Variants in PHACTR2 observed in about 807,000 individuals in gnomAD.
PHACTR2 encodes chromosome 6 open reading frame 56.
Under a neutral mutation model 76.0 loss-of-function variants are expected in PHACTR2, and 30 were observed. The ratio of observed to expected loss-of-function variants is 0.39; its 90% CI spans 0.30 to 0.54. PHACTR2 has a LOEUF of 0.54. PHACTR2 is among the 20% of genes least tolerant of loss of function. The pLI is 0.61. For synonymous variants in PHACTR2, 292 were observed against 292.5 expected (o/e 1.00, Z 0.02); for missense variants, 696 against 781.1 (o/e 0.89, Z 1.30).
rs112494577 is a variant in PHACTR2 at position 143,652,390 on chromosome 6, CTGTTTGTT to C, written c.13+44090_13+44097del. 0.042 allele frequency among the ~76,000 whole-genome samples: 6,450 copies of C among 151,970 alleles called. 174 individuals are homozygous for C. Among genetic ancestry groups the C allele is most frequent in the Middle Eastern group, 0.082 (24 of 294 alleles). On this transcript the variant is annotated intron_variant, in intron 1 of 11. Transcript: ENST00000305766. The surrounding 1 kb of genome is among the most constrained non-coding windows in gnomAD (Gnocchi z 4.5). ...CAGCTAGACAAAGGTACCTGCGCTG[CTGTTTGTT>C]TGTTTGTTTGTTTGTTTGTTTTTCC...
rs117222420 is a variant in PHACTR2 at position 143,820,967 on chromosome 6, G to T, written c.1923-2707G>T. The stretch of plus-strand genomic sequence containing the variant: ...TTAACATCATGTAGAAGCTGTCAAG[G>T]CTTTCAGCTTGCACCCTCTGAAGCA... On this transcript the variant is annotated intron_variant, in intron 12 of 12. Transcript: ENST00000440869. The surrounding 1 kb of genome is among the most constrained non-coding windows in gnomAD (Gnocchi z 4.2). Among the ~76,000 whole-genome samples, 683 of 152,354 alleles carry T rather than the reference G, an allele frequency of 4.5e-3. 5 individuals carry two copies. Among genetic ancestry groups the T allele is most frequent in the Non-Finnish European group, 8.0e-3 (542 of 68,038 alleles).
At chr6:143,540,969 C>CTTGCTGTGT (rs1781166856) in intron 1 of PHACTR2, among the ~76,000 whole-genome samples, 2 of 152,162 alleles carry the variant, frequency 1.3e-5, no homozygotes, top group African/African-American at 4.8e-5. Context: ...AGCTGGAGTA[C>CTTGCTGTGT]AATGGCTGTT....
At position 143,742,168 on chromosome 6, in the gene PHACTR2, G is replaced by C. The variant is rs1457164253; in HGVS notation, c.215-6817G>C. On this transcript the variant is annotated intron_variant, in intron 2 of 12. Transcript: ENST00000440869. The surrounding 1 kb of genome is among the most constrained non-coding windows in gnomAD (Gnocchi z 4.5). ...TGATTAGTCAGGGCTCTTCACTGCT[G>C]ATGAATCATGACAAACTTAATGAAA... 6.9e-6 allele frequency among the ~76,000 whole-genome samples: 1 copy of C among 144,248 alleles called. No individual in the cohort carries two copies. Among genetic ancestry groups the C allele is most frequent in the Non-Finnish European group, 1.5e-5 (1 of 66,990 alleles). The allele number at this position is 144,248 out of a possible 152,430, so 94.6% of individuals were successfully genotyped here.
rs1372085983 is a variant in PHACTR2, at chr6:143,621,360, A to T, written c.13+13038A>T. ...GTTCCTGTGGATCCCGAGCCCTCTC[A>T]GGCCTCCTCGGTGCAGAAGGGCAAA... On this transcript the variant is annotated intron_variant, in intron 1 of 11. Transcript: ENST00000305766. This position sits in a 1 kb window ranked among gnomAD's most constrained non-coding sequence, Gnocchi z 4.1. Among the ~76,000 whole-genome samples, 1 of 152,214 alleles carries T rather than the reference A, an allele frequency of 6.6e-6. No individual in the cohort carries two copies. Among genetic ancestry groups the T allele is most frequent in the East Asian group, 1.9e-4 (1 of 5,194 alleles).
chr6:143,561,805 G>C lies in PHACTR2; in HGVS notation c.217+24598G>C, dbSNP rs146832311. Reference sequence around the variant, plus strand: ...AAGGCAGTGAGCCAGGGAGAGCTGGGTTATTACTGCTTGTGTGATCTCACC... The same window carrying C: ...AAGGCAGTGAGCCAGGGAGAGCTGGCTTATTACTGCTTGTGTGATCTCACC... On this transcript the variant is annotated intron_variant, in intron 1 of 11. Coordinates refer to the PHACTR2 transcript ENST00000367584. This position sits in a 1 kb window ranked among gnomAD's most constrained non-coding sequence, Gnocchi z 4.1. 1.9e-4 allele frequency: 29 copies of C among 152,366 alleles called. No homozygotes were observed. The highest frequency in any genetic ancestry group is 6.5e-4 in the African/African-American group (27 of 41,554). The allele number at this position is 152,366 out of a possible 1,614,324, so 9.4% of individuals were successfully genotyped here.
rs1170571223 is a variant in PHACTR2 at position 143,710,513 on chromosome 6, T to A, written c.47-1503T>A. 6.6e-6 allele frequency among the ~76,000 whole-genome samples: 1 copy of A among 152,076 alleles called. No individual in the cohort carries two copies. Among genetic ancestry groups the A allele is most frequent in the Non-Finnish European group, 1.5e-5 (1 of 68,012 alleles). On this transcript the variant is annotated intron_variant, in intron 1 of 12. Coordinates refer to ENST00000440869, the MANE Select transcript of PHACTR2 (RefSeq NM_001100164.2). The surrounding 1 kb of genome is among the most constrained non-coding windows in gnomAD (Gnocchi z 4.9). ...TTCAAGACCAGCCTGGGCAACATGGTGAAACCCCGTCTCTACTAAAAATAC... is the reference window on the plus strand; with the variant it reads ...TTCAAGACCAGCCTGGGCAACATGGAGAAACCCCGTCTCTACTAAAAATAC...
At position 143,698,914 on chromosome 6, in the gene PHACTR2, G is replaced by C. The variant is rs747308480; in HGVS notation, c.47-13102G>C. Among the ~76,000 whole-genome samples the C allele has an allele frequency of 2.0e-5, 3 of 152,082 alleles. No individual in the cohort carries two copies. The highest frequency in any genetic ancestry group is 4.4e-5 in the Non-Finnish European group (3 of 68,006). On this transcript the variant is annotated intron_variant, in intron 1 of 12. Coordinates refer to ENST00000440869, the MANE Select transcript of PHACTR2 (RefSeq NM_001100164.2). This position sits in a 1 kb window ranked among gnomAD's most constrained non-coding sequence, Gnocchi z 4.3. ...TCTCCCTTGGATTGTCCGAACCCTG[G>C]GTCTCCTTGGCAACACTGTTGCCCT...
intron 1 of PHACTR2, among the ~76,000 whole-genome samples, chr6:143,564,969 G>T (rs9496674): frequency 0.59 from 90,084 of 151,636 alleles, 27,202 homozygotes; most frequent in Middle Eastern, 0.72. Context: ...TACAATGTAG[G>T]AAAACCAATA....
chr6:143,748,816 CATAGCTGTGTTG>C (rs1283799350), intron 2 of PHACTR2, 157 bp from the exon 3 acceptor site: 8 of 499,966 alleles, frequency 1.6e-5, no homozygotes, highest in African/African-American at 1.2e-4. Flanking sequence ...TTGCTCTTGT[CATAGCTGTGTTG>C]ATTCCACTCA....
At chr6:143,563,564 A>C (rs9496670) in intron 1 of PHACTR2, among the ~76,000 whole-genome samples, 56 of 84,414 alleles carry the variant, frequency 6.6e-4, no homozygotes, top group Non-Finnish European at 8.7e-4. Flanking sequence ...AAAAAAAAAA[A>C]AAAAAAAGAA....
rs1008412340 is a variant in PHACTR2, at chr6:143,580,238, C to A, written c.217+43031C>A. Among the ~76,000 whole-genome samples the A allele has an allele frequency of 6.6e-6, 1 of 152,194 alleles. No individual in the cohort carries two copies. The highest frequency in any genetic ancestry group is 1.5e-5 in the Non-Finnish European group (1 of 68,038). On this transcript the variant is annotated intron_variant, in intron 1 of 11. Coordinates refer to the PHACTR2 transcript ENST00000367584. This position sits in a 1 kb window ranked among gnomAD's most constrained non-coding sequence, Gnocchi z 4.2. ...CAGTGGCTCACTCCTGTAATCCCAG[C>A]ACTTTGGGAGGCCAAGGCAGGCAGA...
chr6:143,573,859 G>A (rs1013679833), intron 1 of PHACTR2, among the ~76,000 whole-genome samples: 3 of 152,166 alleles, frequency 2.0e-5, no homozygotes, highest in African/African-American at 7.2e-5. Context: ...ACTGGGTCTG[G>A]TTCTCCATAA....
In PHACTR2 at chr6:143,731,879, A is replaced by G. The variant is rs908378333; in HGVS notation, c.215-17106A>G. Among the ~76,000 whole-genome samples the G allele has an allele frequency of 2.0e-5, 3 of 152,234 alleles. No homozygotes were observed. The highest frequency in any genetic ancestry group is 4.4e-5 in the Non-Finnish European group (3 of 68,042). On this transcript the variant is annotated intron_variant, in intron 2 of 12. Transcript: ENST00000440869. This position sits in a 1 kb window ranked among gnomAD's most constrained non-coding sequence, Gnocchi z 4.9. ...TTCTCTTTTGAAAGATTTAAATAGCATATTCAATTTCTTTTATAGTTATAG... is the reference window on the plus strand; with the variant it reads ...TTCTCTTTTGAAAGATTTAAATAGCGTATTCAATTTCTTTTATAGTTATAG...
chr6:143,706,926 G>C (rs182436583), intron 1 of PHACTR2, among the ~76,000 whole-genome samples: 154 of 152,230 alleles, frequency 1.0e-3, no homozygotes, highest in African/African-American at 3.5e-3. Flanking sequence ...CCCAGATGTT[G>C]TACATCCGCC....
At position 143,740,811 on chromosome 6, in the gene PHACTR2, T is replaced by C. The variant is rs1778924450; in HGVS notation, c.215-8174T>C. On this transcript the variant is annotated intron_variant, in intron 2 of 12. Coordinates refer to ENST00000440869, the MANE Select transcript of PHACTR2 (RefSeq NM_001100164.2). ...CCTCTGGTGGGAAAGTTGGAATCTT[T>C]ACAATTATGAACTCAGATTGGAGAA... 2.0e-5 allele frequency among the ~76,000 whole-genome samples: 3 copies of C among 152,344 alleles called. No individual in the cohort carries two copies. The South Asian group carries it at 6.2e-4, about 32-fold the overall frequency.
intron 2 of PHACTR2, among the ~76,000 whole-genome samples, chr6:143,726,201 T>G (rs192880593): frequency 6.6e-6 from 1 of 152,250 alleles, no homozygotes; most frequent in Non-Finnish European, 1.5e-5. Flanking sequence ...GAGTTTTGCA[T>G]TCCTGCAAGT....
Position 143,825,817 on chromosome 6 carries a change from T to C in PHACTR2, c.*2128T>C, listed in dbSNP as rs1776519444. ...CATCACCATTTTATCACTCAAAGTA[T>C]GTTATTGAAAGTTTCTATTTGGTTG... On this transcript the variant is annotated 3_prime_UTR_variant, in exon 13 of 13. Coordinates refer to ENST00000440869, the MANE Select transcript of PHACTR2 (RefSeq NM_001100164.2). This position sits in a 1 kb window ranked among gnomAD's most constrained non-coding sequence, Gnocchi z 4.1. The C allele has an allele frequency of 6.6e-6, 1 of 152,174 alleles. No individual in the cohort carries two copies. Among genetic ancestry groups the C allele is most frequent in the Admixed American group, 6.5e-5 (1 of 15,278 alleles). 9.4% of individuals were successfully genotyped at this position (152,174 alleles called of 1,614,324 possible).
At position 143,753,184 on chromosome 6, in the gene PHACTR2, C is replaced by A. The variant is rs1436101034; in HGVS notation, c.296-570C>A. Among the ~76,000 whole-genome samples, 1 of 151,832 alleles carries A rather than the reference C, an allele frequency of 6.6e-6. No individual in the cohort carries two copies. The highest frequency in any genetic ancestry group is 1.5e-5 in the Non-Finnish European group (1 of 67,944). On this transcript the variant is annotated intron_variant, in intron 3 of 12. Coordinates refer to ENST00000440869, the MANE Select transcript of PHACTR2 (RefSeq NM_001100164.2). The surrounding 1 kb of genome is among the most constrained non-coding windows in gnomAD (Gnocchi z 4.6). The stretch of plus-strand genomic sequence containing the variant: ...CATAAACAAATAAAAATAAAAATAG[C>A]CTTGCTATCATGTTTTCCCTGAACA...
Position 143,760,641 on chromosome 6 carries a change from G to T in PHACTR2, c.694+1G>T. The T allele has an allele frequency of 6.2e-7, 1 of 1,613,834 alleles. No individual in the cohort carries two copies. The highest frequency in any genetic ancestry group is 8.5e-7 in the Non-Finnish European group (1 of 1,179,838). Reference sequence around the variant, plus strand: ...AGCCGAAACACGACCCGAGAGGCTGGTGAGTATGCCCCCAGTGCCCTGTGG... The same window carrying T: ...AGCCGAAACACGACCCGAGAGGCTGTTGAGTATGCCCCCAGTGCCCTGTGG... On this transcript the variant is annotated splice_donor_variant, in intron 5 of 12. Coordinates refer to ENST00000440869, the MANE Select transcript of PHACTR2 (RefSeq NM_001100164.2). LOFTEE classifies it high-confidence loss of function. The surrounding 1 kb of genome is among the most constrained non-coding windows in gnomAD (Gnocchi z 6.4).
Sources: allele counts gnomAD v4.1 joint callset (sites outside exome capture counted in the v4.1 genomes callset), GRCh38; gene constraint gnomAD v4.1.1; non-coding constraint Gnocchi (gnomAD v3.1); transcripts MANE v1.5; gene names NCBI Gene and HGNC (gene_info 2026-07-23, HGNC 2026-07-21).